Variants in MAPT observed in about 807,000 individuals in gnomAD.
MAPT encodes microtubule associated protein tau.
A neutral mutation model predicts 67.9 loss-of-function variants in MAPT; 34 were observed. That is an observed-to-expected ratio of 0.50 (90% CI 0.38 to 0.67). MAPT has a LOEUF of 0.67. Among genes scored for constraint, MAPT ranks in the 30% least tolerant of loss-of-function variants. MAPT has a pLI of 0.00. For synonymous variants in MAPT, 456 were observed against 464.5 expected, an observed-to-expected ratio of 0.98 and a Z score of 0.23; for missense variants, 881 against 1,115.2, an observed-to-expected ratio of 0.79 and a Z score of 2.99.
intron 8 of MAPT, among the ~76,000 whole-genome samples, chr17:45,993,633 C>T (rs1027412052): frequency 4.6e-5 from 7 of 152,196 alleles, no homozygotes; most frequent in Non-Finnish European, 8.8e-5. Context: ...AGCCTAGTCT[C>T]GAACTCCTGA....
Position 45,996,553 on chromosome 17 carries a change from T to C in MAPT, c.1887T>C (p.Ser629=), listed in dbSNP as rs1203287010. 2 of 1,613,428 alleles carry C rather than the reference T, an allele frequency of 1.2e-6. No homozygotes were observed. The highest frequency in any genetic ancestry group is 2.2e-5 in the South Asian group (2 of 91,004). Reference sequence around the variant, plus strand: ...TCCGTACTCCACCCAAGTCGCCGTCTTCCGCCAAGAGCCGCCTGCAGACAG... The same window carrying C: ...TCCGTACTCCACCCAAGTCGCCGTCCTCCGCCAAGAGCCGCCTGCAGACAG... ...AVVRTPPKSP[S]SAKSRLQTAP... Residue 629 remains serine, a synonymous_variant, in exon 9 of 13, where the codon TCT becomes TCC. Coordinates refer to ENST00000262410, the MANE Select transcript of MAPT (RefSeq NM_001377265.1). This position sits in a 1 kb window ranked among gnomAD's most constrained non-coding sequence, Gnocchi z 4.5.
Position 46,014,185 on chromosome 17 carries a change from T to C in MAPT, c.2092-58T>C, listed in dbSNP as rs1335830067. 3 of 980,352 alleles carry C rather than the reference T, an allele frequency of 3.1e-6. No homozygotes were observed. The African/African-American group carries it at 4.8e-5, about 16-fold the overall frequency. The allele number at this position is 980,352 out of a possible 1,614,324, so 60.7% of individuals were successfully genotyped here. ...ATAATCCCATTTTATCCTTTTTGTC[T>C]CTCTGTCTTCCTCTCTCTCTGCCTT... On this transcript the variant is annotated intron_variant, in intron 10 of 12. Transcript: ENST00000262410.
intron 3 of MAPT, chr17:45,977,022 T>C (rs17572467): frequency 0.14 from 22,111 of 152,982 alleles, 2,156 homozygotes; most frequent in Non-Finnish European, 0.22. Flanking sequence ...AGCCAACACT[T>C]GCTCAGCGAT....
chr17:45,983,492 C>T lies in MAPT; in HGVS notation c.913C>T (p.Gln305Ter). Residue 305 changes from glutamine to a stop codon, truncating the protein, a stop_gained, in exon 5 of 13, where the codon CAA (glutamine) becomes TAA (stop). Coordinates refer to ENST00000262410, the MANE Select transcript of MAPT (RefSeq NM_001377265.1). LOFTEE classifies it high-confidence loss of function. ...CCGCGACGTCGATGAGTCCTCCCCC[C>T]AAGACTCCCCTCCCTCCAAGGCCTC... ...EDRDVDESSP[Q>*]DSPPSKASPA... 6.2e-7 allele frequency: 1 copy of T among 1,611,872 alleles called. No individual in the cohort carries two copies. The highest frequency in any genetic ancestry group is 8.5e-7 in the Non-Finnish European group (1 of 1,179,236).
At position 46,009,361 on chromosome 17, in the gene MAPT, A is replaced by ACAGAAGGGACACCCCACATTT. The variant is rs1343039739; in HGVS notation, c.1999-949_1999-948insCAGAAGGGACACCCCACATTT. ...CCTAAACCATGGTTTTCTATTTCAT[A>ACAGAAGGGACACCCCACATTT]GTTCTTAGGCAAATTGGTAAAAATC... On this transcript the variant is annotated intron_variant, in intron 9 of 12. Coordinates refer to ENST00000262410, the MANE Select transcript of MAPT (RefSeq NM_001377265.1). Among the ~76,000 whole-genome samples the ACAGAAGGGACACCCCACATTT allele has an allele frequency of 3.3e-3, 485 of 147,640 alleles. 12 individuals are homozygous for ACAGAAGGGACACCCCACATTT. The highest frequency in any genetic ancestry group is 4.9e-3 in the Non-Finnish European group (317 of 64,742).
intron 1 of MAPT, among the ~76,000 whole-genome samples, chr17:45,935,436 G>A (rs1427299283): frequency 2.0e-5 from 3 of 152,148 alleles, no homozygotes; most frequent in East Asian, 3.9e-4. Flanking sequence ...CGCAGCTGGG[G>A]TCCATTTACT....
intron 2 of MAPT, among the ~76,000 whole-genome samples, chr17:45,969,788 C>G (rs2071456932): frequency 6.6e-6 from 1 of 152,142 alleles, no homozygotes; most frequent in Non-Finnish European, 1.5e-5. Flanking sequence ...TCCATCCTTC[C>G]TTCCATCCAT....
chr17:45,996,350 T>C lies in MAPT; in HGVS notation c.1733-49T>C. ...GACAGGCAGCCCCCAGGGCCTTTTC[T>C]GACCCCACCCACTCGAGTCCTGGCT... On this transcript the variant is annotated intron_variant, in intron 8 of 12. Coordinates refer to ENST00000262410, the MANE Select transcript of MAPT (RefSeq NM_001377265.1). The surrounding 1 kb of genome is among the most constrained non-coding windows in gnomAD (Gnocchi z 4.5). The C allele has an allele frequency of 1.9e-6, 3 of 1,601,868 alleles. No homozygotes were observed. The highest frequency in any genetic ancestry group is 2.5e-6 in the Non-Finnish European group (3 of 1,177,938).
At chr17:45,985,237 A>G (rs6503453) in intron 5 of MAPT, among the ~76,000 whole-genome samples, 53,108 of 152,042 alleles carry the variant, frequency 0.35, 10,785 homozygotes, top group East Asian at 0.66. Context: ...CCCAGGAGGC[A>G]GAGGTTACAG....
chr17:45,918,498 G>T (rs948077860), intron 1 of MAPT, among the ~76,000 whole-genome samples: 1 of 152,158 alleles, frequency 6.6e-6, no homozygotes, highest in Non-Finnish European at 1.5e-5. Context: ...CTGCTGTAAG[G>T]AATAGCAGTG....
At chr17:46,015,225 T>C (rs1182569343) in intron 11 of MAPT, among the ~76,000 whole-genome samples, 1 of 151,874 alleles carries the variant, frequency 6.6e-6, no homozygotes, top group Non-Finnish European at 1.5e-5. Flanking sequence ...CCAGGCATGG[T>C]GGCGGGCGCC....
chr17:45,988,342 A>C (rs73317007), intron 6 of MAPT, among the ~76,000 whole-genome samples: 8,507 of 152,258 alleles, frequency 0.056, 840 homozygotes, highest in African/African-American at 0.2. Flanking sequence ...TCTTGGAAAC[A>C]CTTCGAGGCT....
intron 9 of MAPT, among the ~76,000 whole-genome samples, chr17:46,004,298 A>G (rs1197311850): frequency 6.6e-6 from 1 of 152,226 alleles, no homozygotes; most frequent in African/African-American, 2.4e-5. Context: ...AAACCAGATC[A>G]AGGTCTAGTG....
chr17:45,951,583 C>T (rs949811409), intron 1 of MAPT, among the ~76,000 whole-genome samples: 1 of 152,144 alleles, frequency 6.6e-6, no homozygotes, highest in African/African-American at 2.4e-5. Context: ...TGCCCCCACC[C>T]TCCAGATTTC....
intron 6 of MAPT, 87 bp downstream of exon 6, chr17:45,987,182 G>T: frequency 7.8e-7 from 1 of 1,277,966 alleles, no homozygotes; most frequent in Non-Finnish European, 1.1e-6. Flanking sequence ...CATATATAAT[G>T]TGGGGAGTAT....
chr17:45,991,707 C>T (rs964565298), intron 8 of MAPT, 121 bp downstream of exon 8: 4 of 1,373,858 alleles, frequency 2.9e-6, no homozygotes, highest in East Asian at 2.4e-5. Context: ...CAGCAGCTTG[C>T]AGTTTACTAA....
intron 12 of MAPT, among the ~76,000 whole-genome samples, chr17:46,021,455 C>T (rs2076525502): frequency 6.6e-6 from 1 of 152,210 alleles, no homozygotes; most frequent in African/African-American, 2.4e-5. Context: ...GGGCCTGGCC[C>T]CATCCCCACA....
chr17:45,981,512 C>T (rs1366599172), intron 4 of MAPT, among the ~76,000 whole-genome samples: 2 of 152,116 alleles, frequency 1.3e-5, no homozygotes, highest in Admixed American at 1.3e-4. Flanking sequence ...CCGTGCAGAG[C>T]CCTTCCTCCC....
At chr17:46,004,811 T>G (rs892797035) in intron 9 of MAPT, among the ~76,000 whole-genome samples, 1 of 152,022 alleles carries the variant, frequency 6.6e-6, no homozygotes, top group South Asian at 2.1e-4. Context: ...TGAGACAGAG[T>G]TTCACTCTGT....
Sources: gnomAD v4.1 joint callset for allele counts (sites outside exome capture counted in the v4.1 genomes callset) on GRCh38, gnomAD v4.1.1 for gene constraint, Gnocchi (gnomAD v3.1) non-coding constraint, MANE v1.5 for transcripts, NCBI Gene and HGNC (gene_info 2026-07-23, HGNC 2026-07-21) for gene names.